RPA3: variants seen among roughly 807,000 people sequenced by gnomAD.
The protein encoded by RPA3 is replication protein A3.
RPA3 carries 24 observed loss-of-function variants against 13.7 expected under a neutral mutation model. The observed-to-expected ratio is 1.75, with a 90% CI of 1.27 to 2.46. The LOEUF (loss-of-function observed/expected upper bound fraction) is 2.46, where lower values mean the gene tolerates loss of function less well. Ranked by LOEUF, RPA3 falls within the 30% of genes most tolerant of loss-of-function variation. The pLI, the probability that RPA3 is intolerant of heterozygous loss-of-function variation, is 0.00. For missense variants in RPA3, 183 were observed against 151.0 expected (o/e 1.21, Z -1.11); for synonymous variants, 59 against 51.2 (o/e 1.15, Z -0.65).
chr7:7,644,714 C>G (rs28916283), intron 4 of RPA3, among the ~76,000 whole-genome samples: 6 of 152,068 alleles, frequency 3.9e-5, no homozygotes, highest in Admixed American at 3.9e-4. Flanking sequence ...TTTTTCTATC[C>G]CTGAACCACT....
intron 4 of RPA3, among the ~76,000 whole-genome samples, chr7:7,655,819 G>GAC: frequency 6.7e-6 from 1 of 150,290 alleles, no homozygotes; most frequent in South Asian, 2.1e-4. Flanking sequence ...ATTTAGGACA[G>GAC]TCTCTCTCTC....
intron 1 of RPA3, among the ~76,000 whole-genome samples, chr7:7,718,276 AT>A (rs1051290605): frequency 1.3e-4 from 20 of 152,172 alleles, no homozygotes; most frequent in African/African-American, 4.8e-4. Flanking sequence ...CTTATAGTTT[AT>A]TTTAACCATA....
At chr7:7,693,627 A>C in intron 2 of RPA3, among the ~76,000 whole-genome samples, 1 of 152,206 alleles carries the variant, frequency 6.6e-6, no homozygotes, top group Admixed American at 6.5e-5. Flanking sequence ...ATATTTTAAA[A>C]ATTGTTTATT....
chr7:7,647,945 A>G (rs1388213452), intron 4 of RPA3, among the ~76,000 whole-genome samples: 2 of 152,112 alleles, frequency 1.3e-5, no homozygotes, highest in Non-Finnish European at 2.9e-5. Context: ...CTACTATTAT[A>G]GACGTGCCAG....
chr7:7,668,358 C>G (rs1399844331), intron 4 of RPA3, among the ~76,000 whole-genome samples: 2 of 151,948 alleles, frequency 1.3e-5, no homozygotes, highest in Non-Finnish European at 2.9e-5. Context: ...CTTATGGCAA[C>G]TAAGTAAAAA....
chr7:7,709,976 CAT>C (rs1464266017), intron 2 of RPA3, among the ~76,000 whole-genome samples: 1 of 152,052 alleles, frequency 6.6e-6, no homozygotes, highest in Non-Finnish European at 1.5e-5. Flanking sequence ...ATAGTGTTAA[CAT>C]ATTTTTCATA....
rs1351726371 is a variant in RPA3, at chr7:7,640,861, C to A, written c.-443G>T. On this transcript the variant is annotated 5_prime_UTR_variant, in exon 5 of 8. Transcript: ENST00000223129. ...GGGAGGCGCCGCAACCTTACTGTTT[C>A]CCCATTCTTCCCGCGAACAGAGTCA... The A allele has an allele frequency of 5.5e-6, 1 of 180,578 alleles. No individual in the cohort carries two copies. The allele number at this position is 180,578 out of a possible 1,614,324, so 11.2% of individuals were successfully genotyped here.
At chr7:7,717,775 A>G (rs1780954064) in intron 1 of RPA3, among the ~76,000 whole-genome samples, 1 of 152,236 alleles carries the variant, frequency 6.6e-6, no homozygotes, top group Admixed American at 6.5e-5. Flanking sequence ...GGCCTGGATG[A>G]GAGCATGAGT....
chr7:7,658,605 G>C (rs889741811), intron 4 of RPA3, among the ~76,000 whole-genome samples: 2 of 152,154 alleles, frequency 1.3e-5, no homozygotes. Flanking sequence ...TTATATGCTG[G>C]ATTACGTTTA....
At chr7:7,717,060 C>CT (rs766644906) in intron 1 of RPA3, among the ~76,000 whole-genome samples, 1,435 of 141,562 alleles carry the variant, frequency 0.01, 13 homozygotes, top group Middle Eastern at 0.049. Flanking sequence ...TTCTTTTTTT[C>CT]TTTTTTTTTT....
chr7:7,655,243 C>T (rs1173974217), intron 4 of RPA3, among the ~76,000 whole-genome samples: 1 of 152,112 alleles, frequency 6.6e-6, no homozygotes, highest in Non-Finnish European at 1.5e-5. Context: ...AACTAGACTG[C>T]CCCTTCCCCC....
At chr7:7,642,095 G>A (rs532843006) in intron 4 of RPA3, among the ~76,000 whole-genome samples, 1 of 152,316 alleles carries the variant, frequency 6.6e-6, no homozygotes, top group South Asian at 2.1e-4. Context: ...AAAGCAAGTT[G>A]ATGTGCATTA....
intron 2 of RPA3, among the ~76,000 whole-genome samples, chr7:7,694,513 C>A (rs575799529): frequency 2.9e-4 from 44 of 152,198 alleles, no homozygotes; most frequent in Middle Eastern, 6.8e-3. Flanking sequence ...CATTAACCAT[C>A]TCCATTCCCC....
At chr7:7,643,241 G>T (rs1202363782) in intron 4 of RPA3, among the ~76,000 whole-genome samples, 2 of 152,174 alleles carry the variant, frequency 1.3e-5, no homozygotes, top group African/African-American at 4.8e-5. Context: ...CATATTAAGA[G>T]ACAAAAATGG....
intron 2 of RPA3, among the ~76,000 whole-genome samples, chr7:7,694,184 A>C (rs1019654307): frequency 1.3e-5 from 2 of 152,144 alleles, no homozygotes; most frequent in African/African-American, 2.4e-5. Flanking sequence ...TTTTCTCCTC[A>C]TGACTAGTGA....
At chr7:7,703,404 TA>T (rs1259105423) in intron 2 of RPA3, among the ~76,000 whole-genome samples, 3 of 152,228 alleles carry the variant, frequency 2.0e-5, no homozygotes, top group African/African-American at 4.8e-5. Context: ...AACTTTTTAG[TA>T]TGAAGTACCA....
At chr7:7,709,990 G>T (rs950065345) in intron 2 of RPA3, among the ~76,000 whole-genome samples, 1 of 151,970 alleles carries the variant, frequency 6.6e-6, no homozygotes, top group African/African-American at 2.4e-5. Flanking sequence ...TTTTTCATAT[G>T]TGTAGTTTTG....
chr7:7,698,700 T>C (rs191898811), intron 2 of RPA3, among the ~76,000 whole-genome samples: 1 of 152,230 alleles, frequency 6.6e-6, no homozygotes, highest in Non-Finnish European at 1.5e-5. Flanking sequence ...TTCAACCTTC[T>C]TTCTCCAGCT....
At chr7:7,690,818 C>A (rs1780156340) in intron 2 of RPA3, among the ~76,000 whole-genome samples, 1 of 152,160 alleles carries the variant, frequency 6.6e-6, no homozygotes, top group African/African-American at 2.4e-5. Context: ...AGCCTGTAGG[C>A]ATCTTTTCAT....
Sources: allele counts gnomAD v4.1 joint callset (sites outside exome capture counted in the v4.1 genomes callset), GRCh38; gene constraint gnomAD v4.1.1; transcripts MANE v1.5; gene names NCBI Gene and HGNC (gene_info 2026-07-23, HGNC 2026-07-21).